The following BICDL1 variants were observed in gnomAD, a reference collection of about 807,000 sequenced individuals.
BICDL1 encodes BICD family like cargo adaptor 1, also known as BICD family-like cargo adapter 1.
In BICDL1, 20 loss-of-function variants were observed where a neutral mutation model predicts 76.8. That is an observed-to-expected ratio of 0.26 (90% confidence interval 0.18 to 0.38). The LOEUF (loss-of-function observed/expected upper bound fraction) is 0.38, where lower values mean the gene tolerates loss of function less well. BICDL1 is among the 10% of genes least tolerant of loss of function. The pLI is 1.00. For missense variants in BICDL1, 700 were observed against 798.6 expected, an observed-to-expected ratio of 0.88 and a Z score of 1.49; for synonymous variants, 383 against 337.1, an observed-to-expected ratio of 1.14 and a Z score of -1.49.
chr12:120,078,193 CT>C (rs1018471411), intron 7 of BICDL1, among the ~76,000 whole-genome samples: 39 of 152,176 alleles, frequency 2.6e-4, no homozygotes, highest in African/African-American at 4.8e-4. Context: ...TGGAGCACCC[CT>C]GTCTCTGTCT....
At chr12:120,021,765 C>T (rs1213657372) in intron 2 of BICDL1, among the ~76,000 whole-genome samples, 1 of 150,240 alleles carries the variant, frequency 6.7e-6, no homozygotes, top group Non-Finnish European at 1.5e-5. Flanking sequence ...ATTAGCTGGG[C>T]GTGGTGGCGC....
At chr12:120,017,558 G>A (rs534413630) in intron 2 of BICDL1, among the ~76,000 whole-genome samples, 17 of 152,204 alleles carry the variant, frequency 1.1e-4, no homozygotes, top group Admixed American at 1.3e-4. Flanking sequence ...AGCAAGACCC[G>A]TCTCTGCAAA....
At chr12:120,080,746 A>G (rs1873903406) in intron 7 of BICDL1, 141 bp from the exon 8 acceptor site, 1 of 755,944 alleles carries the variant, frequency 1.3e-6, no homozygotes, top group Non-Finnish European at 2.0e-6. Flanking sequence ...CTCTTGAAGC[A>G]GGATGGCAGT....
At position 119,990,016 on chromosome 12, in the gene BICDL1, G is replaced by C; in HGVS notation, c.148G>C (p.Gly50Arg). 1 of 1,496,898 alleles carries C rather than the reference G, an allele frequency of 6.7e-7. No individual in the cohort carries two copies. Among genetic ancestry groups the C allele is most frequent in the Non-Finnish European group, 8.8e-7 (1 of 1,134,346 alleles). 92.7% of individuals were successfully genotyped at this position (1,496,898 alleles called of 1,614,324 possible). A position where few individuals can be genotyped will look rare whatever the true frequency, so the allele number is the denominator to read the frequency against. The change falls in exon 1 of 10, where the codon GGG becomes CGG. Residue 50 changes from glycine (G) to arginine (R), a missense_variant. By Grantham distance (125) the Gly-to-Arg change is moderately radical. This residue lies in a region of BICDL1 where 225 missense variants were observed against 199.6 expected (regional missense o/e 1.13). Coordinates refer to ENST00000548673, the MANE Select transcript of BICDL1 (RefSeq NM_001367886.1). ...CGCCCTCATCTTCCCCGGGGGCTCCGGGGAGCTAGAACTGGCGTTAGAGGA... is the reference window on the plus strand; with the variant it reads ...CGCCCTCATCTTCCCCGGGGGCTCCCGGGAGCTAGAACTGGCGTTAGAGGA... ...AAALIFPGGSGELELALEEEL... is the reference protein window; with the variant it reads ...AAALIFPGGSRELELALEEEL...
intron 2 of BICDL1, among the ~76,000 whole-genome samples, chr12:120,017,838 A>G (rs1432031343): frequency 6.6e-6 from 1 of 152,208 alleles, no homozygotes; most frequent in African/African-American, 2.4e-5. Context: ...TAGGCTGTGG[A>G]GCCAACAGCT....
intron 2 of BICDL1, among the ~76,000 whole-genome samples, chr12:120,060,564 G>A (rs967808405): frequency 2.0e-5 from 3 of 152,156 alleles, no homozygotes; most frequent in African/African-American, 7.2e-5. Context: ...AAATTTAAAG[G>A]TTAGAGGGTA....
chr12:119,991,463 C>T (rs1179079616), intron 1 of BICDL1, among the ~76,000 whole-genome samples: 1 of 152,150 alleles, frequency 6.6e-6, no homozygotes, highest in African/African-American at 2.4e-5. Flanking sequence ...GTTCGGTTGT[C>T]CTGCTAACTA....
At position 120,071,570 on chromosome 12, in the gene BICDL1, G is replaced by A; in HGVS notation, c.910-52G>A. 6.5e-7 allele frequency: 1 copy of A among 1,544,094 alleles called. No individual in the cohort carries two copies. Among genetic ancestry groups the A allele is most frequent in the East Asian group, 2.3e-5 (1 of 43,390 alleles). Reference sequence around the variant, plus strand: ...GCATGATCAGGTTGAGGGTCAGTTTGTCTTGGTTTTTGTGTTTGGTAAACC... The same window carrying A: ...GCATGATCAGGTTGAGGGTCAGTTTATCTTGGTTTTTGTGTTTGGTAAACC... On this transcript the variant is annotated intron_variant, in intron 4 of 9. Transcript: ENST00000548673. This position sits in a 1 kb window ranked among gnomAD's most constrained non-coding sequence, Gnocchi z 4.8.
intron 9 of BICDL1, chr12:120,091,926 A>G (rs1437702293): frequency 8.1e-6 from 8 of 985,070 alleles, no homozygotes; most frequent in Non-Finnish European, 8.4e-6. Flanking sequence ...CCCTGAACAC[A>G]GGCCTCACCT....
intron 2 of BICDL1, among the ~76,000 whole-genome samples, chr12:120,011,169 C>T (rs1024254174): frequency 3.9e-5 from 6 of 152,122 alleles, no homozygotes; most frequent in African/African-American, 1.2e-4. Flanking sequence ...CTTCTAAGGT[C>T]GTAGCAGAAG....
chr12:120,005,473 A>G (rs958244651), intron 2 of BICDL1, among the ~76,000 whole-genome samples: 2 of 152,154 alleles, frequency 1.3e-5, no homozygotes, highest in African/African-American at 4.8e-5. Flanking sequence ...TCCTGGGTTT[A>G]AATGATTCTT....
intron 2 of BICDL1, among the ~76,000 whole-genome samples, chr12:120,044,764 A>G (rs910016819): frequency 7.2e-5 from 11 of 151,986 alleles, no homozygotes; most frequent in Non-Finnish European, 1.6e-4. Flanking sequence ...CCATTGATCT[A>G]TATCTCTGTT....
In BICDL1 at chr12:119,998,515, A is replaced by G. The variant is rs1951697214; in HGVS notation, c.430-6A>G. ...CAGTGTTTAAATCCCTTCACTTTTCACCCAGCACTTAGAGCAAGAGAAACA... is the reference window on the plus strand; with the variant it reads ...CAGTGTTTAAATCCCTTCACTTTTCGCCCAGCACTTAGAGCAAGAGAAACA... On this transcript the variant is annotated splice_region_variant and splice_polypyrimidine_tract_variant and intron_variant, in intron 1 of 9. Transcript: ENST00000548673. The G allele has an allele frequency of 6.3e-7, 1 of 1,594,190 alleles. No homozygotes were observed. The highest frequency in any genetic ancestry group is 8.5e-7 in the Non-Finnish European group (1 of 1,171,414).
At chr12:119,999,749 C>T (rs773568568) in intron 2 of BICDL1, 4 of 439,304 alleles carry the variant, frequency 9.1e-6, no homozygotes, top group South Asian at 6.6e-5. Flanking sequence ...TCTATAAATC[C>T]ATCTATTTTA....
intron 2 of BICDL1, among the ~76,000 whole-genome samples, chr12:120,017,868 G>C (rs1952097913): frequency 6.6e-6 from 1 of 152,210 alleles, no homozygotes; most frequent in African/African-American, 2.4e-5. Context: ...AACTTAACCT[G>C]AATTAGGTGA....
At chr12:120,037,622 T>C (rs774028475) in intron 2 of BICDL1, among the ~76,000 whole-genome samples, 1 of 152,180 alleles carries the variant, frequency 6.6e-6, no homozygotes, top group Non-Finnish European at 1.5e-5. Flanking sequence ...TCCAACACTT[T>C]GGAGAAGTAG....
In BICDL1 at chr12:120,073,906, A is replaced by G. The variant is rs575554271; in HGVS notation, c.1309-537A>G. On this transcript the variant is annotated intron_variant, in intron 6 of 9. Transcript: ENST00000548673. Reference sequence around the variant, plus strand: ...TCTGTTTGCAGGTTGAAATTGAGCAATCTCTTTTTTTTGTTTGTTTTTTGT... The same window carrying G: ...TCTGTTTGCAGGTTGAAATTGAGCAGTCTCTTTTTTTTGTTTGTTTTTTGT... 8.5e-5 allele frequency among the ~76,000 whole-genome samples: 13 copies of G among 152,132 alleles called. No individual in the cohort carries two copies. The South Asian group carries it at 1.7e-3, about 19-fold the overall frequency.
chr12:120,089,977 C>A lies in BICDL1; in HGVS notation c.1610C>A (p.Ala537Asp). The change falls in exon 9 of 10, where the codon GCC (alanine) becomes GAC (aspartate). Residue 537 changes from alanine (A) to aspartate (D), a missense_variant. Physicochemically the swap from Ala to Asp is moderately radical, Grantham distance 126. Coordinates refer to ENST00000548673, the MANE Select transcript of BICDL1 (RefSeq NM_001367886.1). ...AKKNAVELELAKCRMDMMSLN... is the reference protein window; with the variant it reads ...AKKNAVELELDKCRMDMMSLN... ...AAGAATGCTGTGGAGCTGGAACTTG[C>A]CAAGTGCAGGATGGATATGATGTCT... The A allele has an allele frequency of 1.2e-6, 2 of 1,614,088 alleles. No homozygotes were observed. The highest frequency in any genetic ancestry group is 1.7e-6 in the Non-Finnish European group (2 of 1,180,000).
intron 6 of BICDL1, 45 bp from the exon 7 acceptor site, chr12:120,074,398 T>C (rs1452082575): frequency 1.8e-6 from 2 of 1,119,454 alleles, no homozygotes; most frequent in Non-Finnish European, 2.2e-6. Flanking sequence ...CTATCTCTCC[T>C]GTACCCTTAC....
Sources: gnomAD v4.1 joint callset for allele counts (sites outside exome capture counted in the v4.1 genomes callset) on GRCh38, gnomAD v4.1.1 for gene constraint, gnomAD v4.1.1 regional missense constraint, Gnocchi (gnomAD v3.1) non-coding constraint, MANE v1.5 for transcripts, NCBI Gene and HGNC (gene_info 2026-07-23, HGNC 2026-07-21) for gene names.